NT5C1B: variants seen among roughly 807,000 people sequenced by gnomAD.
NT5C1B encodes the protein cytosolic 5'-nucleotidase 1B.
Under a neutral mutation model 57.8 loss-of-function variants are expected in NT5C1B, and 44 were observed. The observed-to-expected ratio is 0.76, with a 90% CI of 0.60 to 0.98. The LOEUF (loss-of-function observed/expected upper bound fraction) is 0.98. Among genes scored for constraint, NT5C1B ranks in the 50% least tolerant of loss-of-function variants. The pLI is 0.00. For missense variants in NT5C1B, 742 were observed against 719.5 expected (o/e 1.03, Z -0.36); for synonymous variants, 284 against 282.6 (o/e 1.00, Z -0.05).
intron 1 of NT5C1B, among the ~76,000 whole-genome samples, chr2:18,588,853 G>A (rs1246305233): frequency 6.6e-6 from 1 of 152,116 alleles, no homozygotes; most frequent in Non-Finnish European, 1.5e-5. Flanking sequence ...GTTTTCCTGT[G>A]TACCTGCTAC....
At chr2:18,567,214 C>T (rs571015220) in intron 8 of NT5C1B, among the ~76,000 whole-genome samples, 14 of 152,220 alleles carry the variant, frequency 9.2e-5, no homozygotes, top group Non-Finnish European at 1.8e-4. Flanking sequence ...GAGCAGCTGC[C>T]ACTGGGGGCA....
intron 8 of NT5C1B, among the ~76,000 whole-genome samples, chr2:18,572,163 T>C (rs1471644065): frequency 6.6e-6 from 1 of 151,118 alleles, no homozygotes; most frequent in Non-Finnish European, 1.5e-5. Context: ...GATGAATATC[T>C]GTATTAAAGG....
Position 18,584,858 on chromosome 2 carries a change from G to T in NT5C1B, c.379C>A (p.Arg127=). 1 of 1,602,252 alleles carries T rather than the reference G, an allele frequency of 6.2e-7. No individual in the cohort carries two copies. The highest frequency in any genetic ancestry group is 1.1e-5 in the South Asian group (1 of 90,344). The change falls in exon 4 of 9, where the codon CGG becomes AGG. Residue 127 remains arginine (R), a synonymous_variant. Coordinates refer to ENST00000304081, the Ensembl canonical transcript of NT5C1B. The surrounding 1 kb of genome is among the most constrained non-coding windows in gnomAD (Gnocchi z 5.8). ...GTGGGAGGCCGCGAGTCCAGCGACC[G>T]GGGCAGCTGGGGCGACGCGGGTGGC...
At chr2:18,563,915 G>A (rs1327640982) in exon 9 of NT5C1B, 1 of 1,614,162 alleles carries the variant, frequency 6.2e-7, no homozygotes, top group Admixed American at 1.7e-5. Flanking sequence ...ACCAAGATGG[G>A]ACTTTTGGGG....
At chr2:18,570,786 A>G (rs1665079927) in intron 8 of NT5C1B, among the ~76,000 whole-genome samples, 1 of 152,220 alleles carries the variant, frequency 6.6e-6, no homozygotes, top group South Asian at 2.1e-4. Flanking sequence ...ATGAATAAAT[A>G]ATACAAAATA....
chr2:18,576,103 A>T (rs1013453066), intron 8 of NT5C1B, 81 bp downstream of exon 8: 1 of 1,391,768 alleles, frequency 7.2e-7, no homozygotes. Context: ...TTAAACATTC[A>T]TCAGAATGGA....
At chr2:18,571,718 G>GTGTGTGTATA (rs1246189018) in intron 8 of NT5C1B, among the ~76,000 whole-genome samples, 82 of 111,372 alleles carry the variant, frequency 7.4e-4, no homozygotes, top group African/African-American at 2.4e-3. Flanking sequence ...CTGTGTGTGT[G>GTGTGTGTATA]TATATATATA....
intron 2 of NT5C1B, 167 bp from the exon 3 acceptor site, chr2:18,586,558 C>G: frequency 9.2e-7 from 1 of 1,085,476 alleles, no homozygotes; most frequent in Non-Finnish European, 1.3e-6. Context: ...ACTATTCTAA[C>G]TCTGGTCTAG....
At chr2:18,564,047 G>A in exon 9 of NT5C1B, 1 of 1,611,132 alleles carries the variant, frequency 6.2e-7, no homozygotes, top group Non-Finnish European at 8.5e-7. Context: ...ATAGGACAAA[G>A]TAACCGTTCA....
At chr2:18,565,270 ATTCTAT>A (rs1558365156) in intron 8 of NT5C1B, among the ~76,000 whole-genome samples, 1 of 152,026 alleles carries the variant, frequency 6.6e-6, no homozygotes, top group East Asian at 1.9e-4. Context: ...TTTAGTTTTA[ATTCTAT>A]GGTTAAGTAT....
In NT5C1B at chr2:18,576,237, G is replaced by GA; in HGVS notation, c.1275_1276insT (p.Leu426SerfsTer8). 1 of 1,613,648 alleles carries GA rather than the reference G, an allele frequency of 6.2e-7. No individual in the cohort carries two copies. Among genetic ancestry groups the GA allele is most frequent in the Non-Finnish European group, 8.5e-7 (1 of 1,179,772 alleles). On this transcript the variant is annotated frameshift_variant, in exon 8 of 9. Transcript: ENST00000304081. LOFTEE classifies it high-confidence loss of function. ...GTATCATACTGGAAGAATTTGTCGA[G>GA]CCCATGCTCCTTGGTAAAATGTTCA...
intron 2 of NT5C1B, chr2:18,586,713 T>C (rs1666742615): frequency 1.7e-6 from 1 of 583,138 alleles, no homozygotes; most frequent in Non-Finnish European, 2.9e-6. Flanking sequence ...CCTCACTTCT[T>C]CCCTCGAGGA....
At chr2:18,575,643 A>G (rs925450870) in intron 8 of NT5C1B, among the ~76,000 whole-genome samples, 7 of 152,190 alleles carry the variant, frequency 4.6e-5, no homozygotes, top group African/African-American at 1.7e-4. Context: ...AAAGGTACTC[A>G]ACAGCACTAA....
chr2:18,577,022 TAAAGG>T, intron 6 of NT5C1B, 127 bp from the exon 7 acceptor site: 3 of 1,465,850 alleles, frequency 2.0e-6, no homozygotes, highest in South Asian at 2.5e-5. Flanking sequence ...TTTGTGAACC[TAAAGG>T]AAAGTTACCT....
In NT5C1B at chr2:18,583,004, G is replaced by T. The variant is rs1666315827; in HGVS notation, c.892-7C>A. The T allele has an allele frequency of 6.2e-7, 1 of 1,612,198 alleles. No individual in the cohort carries two copies. Among genetic ancestry groups the T allele is most frequent in the Non-Finnish European group, 8.5e-7 (1 of 1,179,108 alleles). ...CATTGACATACTGTAGTGCCTGCAG[G>T]TTACAAACATGAATGTGTGTAAAGA... On this transcript the variant is annotated splice_region_variant and splice_polypyrimidine_tract_variant and intron_variant, in intron 5 of 8. Coordinates refer to ENST00000304081, the Ensembl canonical transcript of NT5C1B.
rs766850301 is a variant in NT5C1B, at chr2:18,589,525, A to AATG, written c.-58_-57insCAT. 3.7e-6 allele frequency: 6 copies of AATG among 1,613,098 alleles called. No individual in the cohort carries two copies. The highest frequency in any genetic ancestry group is 1.7e-4 in the Middle Eastern group (1 of 6,060). ...TCCACATTTTTGTCTCCCCAGCTCC[A>AATG]TTTCCTGTCACTTCCCTTGCTCAGT... On this transcript the variant is annotated 5_prime_UTR_variant, in exon 1 of 9. The change abolishes an upstream ATG in the 5' untranslated region. Coordinates refer to ENST00000304081, the Ensembl canonical transcript of NT5C1B.
At chr2:18,569,804 A>T (rs1452605751) in intron 8 of NT5C1B, among the ~76,000 whole-genome samples, 1 of 152,124 alleles carries the variant, frequency 6.6e-6, no homozygotes, top group Admixed American at 6.5e-5. Context: ...AAGCAAGTAG[A>T]CAGAAAATTA....
intron 1 of NT5C1B, 100 bp from the exon 2 acceptor site, chr2:18,587,692 T>TC: frequency 7.4e-7 from 1 of 1,347,620 alleles, no homozygotes. Flanking sequence ...AAAATTTATT[T>TC]ATTTGCCAAT....
chr2:18,581,806 C>T lies in NT5C1B; in HGVS notation c.1021+1062G>A, dbSNP rs16985292. Reference sequence around the variant, plus strand: ...TTGTTATAATAAAGACCCTGGCAGACGGAGATACGAATTGCTTTCAGTACC... The same window carrying T: ...TTGTTATAATAAAGACCCTGGCAGATGGAGATACGAATTGCTTTCAGTACC... On this transcript the variant is annotated intron_variant, in intron 6 of 8. Coordinates refer to ENST00000304081, the Ensembl canonical transcript of NT5C1B. 6.6e-3 allele frequency among the ~76,000 whole-genome samples: 1,002 copies of T among 152,162 alleles called. 11 individuals are homozygous for T. The highest frequency in any genetic ancestry group is 0.023 in the African/African-American group (958 of 41,512).
Sources: gnomAD v4.1 joint callset for allele counts (sites outside exome capture counted in the v4.1 genomes callset) on GRCh38, gnomAD v4.1.1 for gene constraint, Gnocchi (gnomAD v3.1) non-coding constraint, MANE v1.5 for transcripts, NCBI Gene and HGNC (gene_info 2026-07-23, HGNC 2026-07-21) for gene names.